Variants in ARNT2 observed in about 807,000 individuals in gnomAD.
ARNT2 encodes aryl hydrocarbon receptor nuclear translocator 2.
In ARNT2, 36 loss-of-function variants were observed where a neutral mutation model predicts 91.7. That is an observed-to-expected ratio of 0.39 (90% CI 0.30 to 0.52). The LOEUF is 0.52. Among genes scored for constraint, ARNT2 ranks in the 20% least tolerant of loss-of-function variants. The probability of loss-of-function intolerance (pLI) is 0.72; values close to 1 mark genes in which losing one functional copy is unlikely to be tolerated. For synonymous variants in ARNT2, 365 were observed against 347.1 expected (o/e 1.05, Z -0.57); for missense variants, 775 against 939.3 (o/e 0.83, Z 2.29).
At chr15:80,484,729 C>T (rs201176205) in intron 5 of ARNT2, among the ~76,000 whole-genome samples, 16 of 152,306 alleles carry the variant, frequency 1.1e-4, no homozygotes, top group East Asian at 1.9e-4. Context: ...CTTTTGCACA[C>T]GTTGCTGACT....
intron 8 of ARNT2, among the ~76,000 whole-genome samples, chr15:80,534,366 C>T (rs1240918630): frequency 1.3e-5 from 2 of 151,726 alleles, no homozygotes. Flanking sequence ...GGTGCATGTT[C>T]ATTAGTGAAA....
chr15:80,536,930 C>T (rs1174487343), intron 8 of ARNT2, among the ~76,000 whole-genome samples: 4 of 152,120 alleles, frequency 2.6e-5, no homozygotes, highest in Non-Finnish European at 5.9e-5. Context: ...GAGCCTCTGC[C>T]CTGACCTGAC....
intron 17 of ARNT2, among the ~76,000 whole-genome samples, chr15:80,590,074 C>G (rs562266372): frequency 6.6e-6 from 1 of 152,054 alleles, no homozygotes; most frequent in South Asian, 2.1e-4. Context: ...GGAGAGAGAG[C>G]GAGGGAGAGA....
At chr15:80,445,305 G>A (rs896341072) in intron 1 of ARNT2, among the ~76,000 whole-genome samples, 2 of 149,068 alleles carry the variant, frequency 1.3e-5, no homozygotes, top group East Asian at 2.0e-4. Context: ...TATATGTGTC[G>A]AGAGTGGTGT....
chr15:80,574,091 G>T lies in ARNT2; in HGVS notation c.1317-57G>T, dbSNP rs1898627394. 5 of 1,480,096 alleles carry T rather than the reference G, an allele frequency of 3.4e-6. No homozygotes were observed. The African/African-American group carries it at 6.9e-5, about 20-fold the overall frequency. The allele number at this position is 1,480,096 out of a possible 1,614,324, so 91.7% of individuals were successfully genotyped here. The stretch of plus-strand genomic sequence containing the variant: ...GAGGTATGGGAAAAGTCCTGGCTTA[G>T]CCCTATTGTCACCCCTTCTGTTCTT... On this transcript the variant is annotated intron_variant, in intron 12 of 18. Coordinates refer to ENST00000303329, the MANE Select transcript of ARNT2 (RefSeq NM_014862.4).
chr15:80,514,181 A>G (rs1358618504), intron 7 of ARNT2, 139 bp from the exon 8 acceptor site: 1 of 1,002,180 alleles, frequency 1.0e-6, no homozygotes, highest in Non-Finnish European at 1.5e-6. Context: ...GGAGGAAGGA[A>G]CACAGGATGG....
intron 13 of ARNT2, 40 bp from the exon 14 acceptor site, chr15:80,574,947 C>A (rs775957738): frequency 6.2e-7 from 1 of 1,605,986 alleles, no homozygotes; most frequent in Admixed American, 1.7e-5. Context: ...CTGTGCCTTA[C>A]GCATGAGTTG....
At chr15:80,492,121 G>T (rs2082470468) in intron 5 of ARNT2, among the ~76,000 whole-genome samples, 1 of 151,860 alleles carries the variant, frequency 6.6e-6, no homozygotes, top group Admixed American at 6.6e-5. Flanking sequence ...GCTCACAGCG[G>T]CCTTGCCCTT....
intron 8 of ARNT2, among the ~76,000 whole-genome samples, chr15:80,533,591 A>G (rs1261317550): frequency 6.6e-6 from 1 of 152,212 alleles, no homozygotes; most frequent in African/African-American, 2.4e-5. Flanking sequence ...GAAGTGAGAC[A>G]TGGGGGAGAA....
intron 12 of ARNT2, among the ~76,000 whole-genome samples, chr15:80,572,033 C>T (rs1028060670): frequency 6.6e-6 from 1 of 152,162 alleles, no homozygotes; most frequent in East Asian, 1.9e-4. Context: ...TTCCCTAAAC[C>T]TTCTTTAATC....
chr15:80,466,540 T>C (rs1896656027), intron 3 of ARNT2, among the ~76,000 whole-genome samples: 1 of 152,208 alleles, frequency 6.6e-6, no homozygotes, highest in Non-Finnish European at 1.5e-5. Flanking sequence ...ACAGGCTCAC[T>C]CCTGCAGCTC....
Position 80,552,794 on chromosome 15 carries a change from C to T in ARNT2, c.1089+20C>T. 1 of 1,608,864 alleles carries T rather than the reference C, an allele frequency of 6.2e-7. No homozygotes were observed. The highest frequency in any genetic ancestry group is 8.5e-7 in the Non-Finnish European group (1 of 1,176,510). ...CCCCAGGTGAGTAGATAGTTTTGAG[C>T]CTATGGCAATTGACTAGAGATTTAA... is the stretch of plus-strand genomic sequence containing the variant. On this transcript the variant is annotated intron_variant, in intron 10 of 18. Coordinates refer to ENST00000303329, the MANE Select transcript of ARNT2 (RefSeq NM_014862.4).
chr15:80,423,262 T>C (rs1422513934), intron 1 of ARNT2, among the ~76,000 whole-genome samples: 1 of 152,128 alleles, frequency 6.6e-6, no homozygotes, highest in Non-Finnish European at 1.5e-5. Flanking sequence ...CATCAGCGGG[T>C]CAACGTCACC....
intron 1 of ARNT2, among the ~76,000 whole-genome samples, chr15:80,430,971 T>C (rs966558113): frequency 1.3e-5 from 2 of 152,040 alleles, no homozygotes; most frequent in Non-Finnish European, 2.9e-5. Flanking sequence ...GCACTCTCCT[T>C]CCCCAGATTC....
intron 16 of ARNT2, 120 bp from the exon 17 acceptor site, chr15:80,581,119 C>T: frequency 1.6e-6 from 2 of 1,217,686 alleles, no homozygotes; most frequent in East Asian, 2.4e-5. Flanking sequence ...ACAAGAGGGT[C>T]ATGGGGAGTC....
At chr15:80,461,371 G>C (rs1398539266) in intron 3 of ARNT2, among the ~76,000 whole-genome samples, 1 of 152,226 alleles carries the variant, frequency 6.6e-6, no homozygotes, top group East Asian at 1.9e-4. Context: ...GCCAAGCTGT[G>C]GGTCCAATGG....
At chr15:80,558,913 T>A (rs1488769899) in intron 11 of ARNT2, among the ~76,000 whole-genome samples, 1 of 152,224 alleles carries the variant, frequency 6.6e-6, no homozygotes, top group African/African-American at 2.4e-5. Context: ...GAAATGGAGC[T>A]TTAACAGTGG....
chr15:80,500,305 C>T (rs1383911379), intron 5 of ARNT2, among the ~76,000 whole-genome samples: 1 of 152,184 alleles, frequency 6.6e-6, no homozygotes, highest in East Asian at 1.9e-4. Flanking sequence ...CAGGGGGACA[C>T]ATTTTTGGAA....
intron 15 of ARNT2, among the ~76,000 whole-genome samples, chr15:80,577,223 C>G (rs1271509643): frequency 6.6e-6 from 1 of 152,200 alleles, no homozygotes; most frequent in Admixed American, 6.5e-5. Context: ...CAGTGATTGC[C>G]AGGGAGAAGG....
Sources: allele counts gnomAD v4.1 joint callset (sites outside exome capture counted in the v4.1 genomes callset), GRCh38; gene constraint gnomAD v4.1.1; transcripts MANE v1.5; gene names NCBI Gene and HGNC (gene_info 2026-07-23, HGNC 2026-07-21).